Variants in DCUN1D1 observed in about 807,000 individuals in gnomAD.
DCUN1D1 encodes the protein DCN1-like protein 1.
In DCUN1D1, 3 loss-of-function variants were observed where a neutral mutation model predicts 39.0. That is an observed-to-expected ratio of 0.08 (90% CI 0.04 to 0.20). DCUN1D1 has a LOEUF of 0.20. Ranked by LOEUF, DCUN1D1 falls within the 10% of genes least tolerant of loss-of-function variation. The pLI is 1.00. For missense variants in DCUN1D1, 158 were observed against 302.4 expected (o/e 0.52, Z 3.54); for synonymous variants, 82 against 96.3 (o/e 0.85, Z 0.87).
At chr3:182,975,250 C>T (rs1426198145) in intron 1 of DCUN1D1, among the ~76,000 whole-genome samples, 5 of 150,656 alleles carry the variant, frequency 3.3e-5, no homozygotes, top group Non-Finnish European at 5.9e-5. Flanking sequence ...GATCTCGGCT[C>T]ACTGCAAGCT....
rs756956760 is a variant in DCUN1D1, at chr3:182,963,931, T to C, written c.339A>G (p.Thr113=). 1 of 1,613,994 alleles carries C rather than the reference T, an allele frequency of 6.2e-7. No individual in the cohort carries two copies. The highest frequency in any genetic ancestry group is 8.5e-7 in the Non-Finnish European group (1 of 1,179,878). Residue 113 remains threonine, a synonymous_variant, in exon 3 of 7, where the codon ACA becomes ACG. Transcript: ENST00000292782. ...LIIAWKFRAA[T]QCEFSKQEFM... ...ACTCCTGTTTGGAGAACTCGCACTG[T>C]GTTGCTGCTCTGAACTTCCACGCAA...
At chr3:182,972,290 T>C (rs1727985205) in intron 1 of DCUN1D1, among the ~76,000 whole-genome samples, 2 of 151,114 alleles carry the variant, frequency 1.3e-5, no homozygotes, top group Admixed American at 1.3e-4. Context: ...TCAGAGAAAA[T>C]ACAAATACTT....
chr3:182,946,278 C>G (rs1485469099), intron 6 of DCUN1D1, among the ~76,000 whole-genome samples: 1 of 152,130 alleles, frequency 6.6e-6, no homozygotes. Context: ...AAAAAATAGG[C>G]TGGGCGCAGT....
chr3:182,971,086 CA>C (rs147858469), intron 1 of DCUN1D1, among the ~76,000 whole-genome samples: 2,701 of 152,274 alleles, frequency 0.018, 93 homozygotes, highest in African/African-American at 0.063. Context: ...ACTTTCAAAC[CA>C]GACTGTCAAG....
chr3:182,982,249 C>A (rs1728580242), upstream of DCUN1D1, among the ~76,000 whole-genome samples: 1 of 152,206 alleles, frequency 6.6e-6, no homozygotes, highest in Non-Finnish European at 1.5e-5. Context: ...TGACCACTCT[C>A]CTTTGCTGGC....
chr3:182,963,846 A>G, intron 3 of DCUN1D1, 35 bp downstream of exon 3: 3 of 1,496,948 alleles, frequency 2.0e-6, no homozygotes, highest in Non-Finnish European at 2.7e-6. Context: ...TTCCACAGTA[A>G]CATATCTAAT....
chr3:182,969,796 G>A (rs139179320), intron 1 of DCUN1D1, among the ~76,000 whole-genome samples: 6 of 152,118 alleles, frequency 3.9e-5, no homozygotes, highest in Non-Finnish European at 5.9e-5. Flanking sequence ...TAATTACAAC[G>A]GTATCAAAGA....
upstream of DCUN1D1, among the ~76,000 whole-genome samples, chr3:182,984,659 A>G (rs1728668997): frequency 6.6e-6 from 1 of 152,156 alleles, no homozygotes. Flanking sequence ...CGATGAAAAA[A>G]TTAATATAGT....
chr3:182,980,147 CCCCT>C, intron 1 of DCUN1D1: 1 of 740,440 alleles, frequency 1.4e-6, no homozygotes, highest in Non-Finnish European at 1.7e-6. Flanking sequence ...AGGCCGTTGC[CCCCT>C]CCCCTCCCCC....
chr3:182,970,644 G>A (rs6795973), intron 1 of DCUN1D1, among the ~76,000 whole-genome samples: 4,212 of 152,212 alleles, frequency 0.028, 205 homozygotes, highest in African/African-American at 0.096. Context: ...GCTCACAAAA[G>A]TCAATGCTTT....
intron 6 of DCUN1D1, among the ~76,000 whole-genome samples, chr3:182,946,628 G>T (rs568936510): frequency 6.7e-6 from 1 of 148,306 alleles, no homozygotes; most frequent in Admixed American, 6.8e-5. Context: ...AAGACTAACA[G>T]ATGAAAAAGA....
At chr3:182,967,902 T>C (rs577923477) in intron 1 of DCUN1D1, among the ~76,000 whole-genome samples, 1 of 152,338 alleles carries the variant, frequency 6.6e-6, no homozygotes, top group African/African-American at 2.4e-5. Context: ...TCAGTATACC[T>C]TTCTCCCTTG....
intron 1 of DCUN1D1, among the ~76,000 whole-genome samples, chr3:182,971,497 C>T (rs1357989860): frequency 1.3e-5 from 2 of 150,324 alleles, no homozygotes; most frequent in Non-Finnish European, 3.0e-5. Flanking sequence ...CACTTGAGCC[C>T]GGGAGATAGA....
chr3:182,959,514 A>C (rs2108643165), intron 4 of DCUN1D1, among the ~76,000 whole-genome samples: 1 of 151,060 alleles, frequency 6.6e-6, no homozygotes, highest in Non-Finnish European at 1.5e-5. Flanking sequence ...AAAAAAAAAA[A>C]AAAAAAAAAA....
chr3:182,967,559 T>C (rs1186912007), intron 1 of DCUN1D1, among the ~76,000 whole-genome samples: 1 of 152,216 alleles, frequency 6.6e-6, no homozygotes, highest in African/African-American at 2.4e-5. Context: ...TTTGTAAATA[T>C]GTTACTGTTA....
chr3:182,980,105 G>T, intron 1 of DCUN1D1: 1 of 947,780 alleles, frequency 1.1e-6, no homozygotes, highest in Non-Finnish European at 1.3e-6. Context: ...TCCCCGACCA[G>T]ACACAATGGA....
At chr3:182,984,867 T>C (rs1255122603), upstream of DCUN1D1, among the ~76,000 whole-genome samples, 2 of 152,170 alleles carry the variant, frequency 1.3e-5, no homozygotes, top group East Asian at 3.8e-4. Context: ...TGGTAGTTCA[T>C]CTAGCTAAAA....
intron 4 of DCUN1D1, among the ~76,000 whole-genome samples, chr3:182,948,536 A>G (rs560376380): frequency 6.6e-6 from 1 of 152,356 alleles, no homozygotes; most frequent in East Asian, 1.9e-4. Flanking sequence ...CACTTATCAC[A>G]TGACAGAGAA....
chr3:182,975,045 C>T (rs1728148193), intron 1 of DCUN1D1, among the ~76,000 whole-genome samples: 1 of 152,020 alleles, frequency 6.6e-6, no homozygotes, highest in Non-Finnish European at 1.5e-5. Flanking sequence ...CAACTTAATA[C>T]TGAAATTTAA....
Sources: allele counts gnomAD v4.1 joint callset (sites outside exome capture counted in the v4.1 genomes callset), GRCh38; gene constraint gnomAD v4.1.1; transcripts MANE v1.5; gene names NCBI Gene and HGNC (gene_info 2026-07-23, HGNC 2026-07-21).